CD1B: variants seen among roughly 807,000 people sequenced by gnomAD.
CD1B encodes the protein CD1b molecule.
Under a neutral mutation model 39.8 loss-of-function variants are expected in CD1B, and 43 were observed. That is an observed-to-expected ratio of 1.08 (90% CI 0.85 to 1.39). The LOEUF is 1.39. CD1B is among the 40% of genes most tolerant of loss of function. The probability of loss-of-function intolerance (pLI) is 0.00; values close to 1 mark genes in which losing one functional copy is unlikely to be tolerated. For synonymous variants in CD1B, 192 were observed against 152.5 expected (o/e 1.26, Z -1.91); for missense variants, 495 against 403.8 (o/e 1.23, Z -1.94).
chr1:158,327,555 C>G (rs927112502), downstream of CD1B, among the ~76,000 whole-genome samples: 1 of 152,130 alleles, frequency 6.6e-6, no homozygotes, highest in Non-Finnish European at 1.5e-5. Context: ...TACAGCAACT[C>G]AGATAGTTTT....
downstream of CD1B, among the ~76,000 whole-genome samples, chr1:158,323,718 C>A (rs1571180284): frequency 6.6e-6 from 1 of 152,156 alleles, no homozygotes. Flanking sequence ...AAACTCTAAG[C>A]CTAGGTTCAC....
At chr1:158,319,177 G>A in the CD1B span, among the ~76,000 whole-genome samples, 22 of 151,272 alleles carry the variant, frequency 1.5e-4, no homozygotes, top group African/African-American at 5.1e-4. Context: ...TCTTTGTGGT[G>A]TTCTCTGTAT....
the CD1B span, among the ~76,000 whole-genome samples, chr1:158,314,659 A>AT: frequency 6.7e-6 from 1 of 149,762 alleles, no homozygotes; most frequent in Non-Finnish European, 1.5e-5. Context: ...TTATTTTTTT[A>AT]TTTTTTTATT....
At chr1:158,307,193 T>A in the CD1B span, among the ~76,000 whole-genome samples, 1 of 151,882 alleles carries the variant, frequency 6.6e-6, no homozygotes, top group East Asian at 1.9e-4. Flanking sequence ...GCAAGACTAA[T>A]ACAGAAGAAA....
the CD1B span, among the ~76,000 whole-genome samples, chr1:158,319,988 A>T: frequency 6.6e-6 from 1 of 152,210 alleles, no homozygotes; most frequent in African/African-American, 2.4e-5. Context: ...GTCAGGGGTC[A>T]GGGACCCGCT....
chr1:158,290,603 G>C, the CD1B span, among the ~76,000 whole-genome samples: 1 of 152,136 alleles, frequency 6.6e-6, no homozygotes, highest in Non-Finnish European at 1.5e-5. Flanking sequence ...GATTGAGTAG[G>C]AGGCCTAAGG....
chr1:158,292,416 C>A, the CD1B span: 1 of 1,558,286 alleles, frequency 6.4e-7, no homozygotes, highest in Non-Finnish European at 8.7e-7. Flanking sequence ...AAGTACTGCC[C>A]CTTCTGTTCC....
chr1:158,331,257 GA>G, intron 1 of CD1B, 105 bp downstream of exon 1: 1 of 1,191,300 alleles, frequency 8.4e-7, no homozygotes, highest in Non-Finnish European at 1.2e-6. Flanking sequence ...GCGGGAGACA[GA>G]AAGACCCAGA....
At chr1:158,308,061 G>T in the CD1B span, among the ~76,000 whole-genome samples, 1 of 152,306 alleles carries the variant, frequency 6.6e-6, no homozygotes, top group African/African-American at 2.4e-5. Context: ...GTTTGCAGAT[G>T]ACATGATTGT....
At chr1:158,323,534 T>C (rs557680679), downstream of CD1B, among the ~76,000 whole-genome samples, 2 of 152,318 alleles carry the variant, frequency 1.3e-5, no homozygotes, top group South Asian at 4.1e-4. Context: ...ATTCCCTGGT[T>C]GTTCTTGATG....
the CD1B span, chr1:158,292,380 C>T: frequency 2.5e-6 from 4 of 1,603,830 alleles, no homozygotes; most frequent in South Asian, 1.1e-5. Flanking sequence ...GTAGTTTCAG[C>T]CCCTTCCTCT....
the CD1B span, among the ~76,000 whole-genome samples, chr1:158,320,835 A>G: frequency 2.6e-5 from 4 of 151,588 alleles, no homozygotes; most frequent in Admixed American, 2.6e-4. Context: ...TCCTCCTCTT[A>G]TTGATTTCTA....
chr1:158,322,533 G>A, the CD1B span, among the ~76,000 whole-genome samples: 2 of 151,862 alleles, frequency 1.3e-5, no homozygotes, highest in Non-Finnish European at 1.5e-5. Context: ...GCTTTCTAAA[G>A]TGGTGGGGTT....
Position 158,328,234 on chromosome 1 carries a change from GCTCATGGGATAT to G in CD1B, c.992_*1del. ...GAATGGGAGAGGAGACATGATGATG[GCTCATGGGATAT>G]TCTGATATGACCTGTTAAAAACAGA... On this transcript the variant is annotated stop_lost and 3_prime_UTR_variant, in exon 6 of 6. Coordinates refer to ENST00000368168, the MANE Select transcript of CD1B (RefSeq NM_001764.3). 1 of 1,611,562 alleles carries G rather than the reference GCTCATGGGATAT, an allele frequency of 6.2e-7. No individual in the cohort carries two copies. Among genetic ancestry groups the G allele is most frequent in the Non-Finnish European group, 8.5e-7 (1 of 1,178,064 alleles).
the CD1B span, among the ~76,000 whole-genome samples, chr1:158,308,659 C>G: frequency 3.3e-5 from 5 of 152,182 alleles, 1 homozygote; most frequent in African/African-American, 1.2e-4. Flanking sequence ...CAGAACAGAG[C>G]CCTCAGAAAT....
the CD1B span, chr1:158,292,754 A>G: frequency 8.1e-4 from 1,311 of 1,614,120 alleles, 4 homozygotes; most frequent in Non-Finnish European, 9.8e-4. Context: ...TATTCTTCCT[A>G]ATGCTGATGG....
At chr1:158,320,132 A>C in the CD1B span, among the ~76,000 whole-genome samples, 2 of 152,242 alleles carry the variant, frequency 1.3e-5, no homozygotes, top group Non-Finnish European at 2.9e-5. Context: ...CCCTGCCCCC[A>C]GAGGTGGAGC....
At chr1:158,326,040 G>T (rs939123317), downstream of CD1B, among the ~76,000 whole-genome samples, 2 of 152,122 alleles carry the variant, frequency 1.3e-5, no homozygotes, top group African/African-American at 4.8e-5. Context: ...CGCGATCTCG[G>T]CTCACTGCAA....
the CD1B span, among the ~76,000 whole-genome samples, chr1:158,314,543 G>A: frequency 1.3e-5 from 2 of 152,082 alleles, no homozygotes; most frequent in Non-Finnish European, 2.9e-5. Context: ...TGAGCAACAT[G>A]AGGTTATCTG....
Sources: gnomAD v4.1 joint callset for allele counts (sites outside exome capture counted in the v4.1 genomes callset) on GRCh38, gnomAD v4.1.1 for gene constraint, MANE v1.5 for transcripts, NCBI Gene and HGNC (gene_info 2026-07-23, HGNC 2026-07-21) for gene names.